Variants in FAM151B observed in about 807,000 individuals in gnomAD.
FAM151B encodes the protein family with sequence similarity 151 member B, also known as protein FAM151B.
FAM151B carries 24 observed loss-of-function variants against 31.2 expected under a neutral mutation model. That is an observed-to-expected ratio of 0.77 (90% CI 0.56 to 1.08). The LOEUF is 1.08. FAM151B is among the 50% of genes least tolerant of loss of function. The pLI, the probability that FAM151B is intolerant of heterozygous loss-of-function variation, is 0.00. For missense variants in FAM151B, 293 were observed against 328.6 expected (o/e 0.89, Z 0.84); for synonymous variants, 105 against 111.4 (o/e 0.94, Z 0.36).
At chr5:80,492,330 G>A (rs149323062) in intron 1 of FAM151B, among the ~76,000 whole-genome samples, 97 of 152,166 alleles carry the variant, frequency 6.4e-4, no homozygotes, top group African/African-American at 2.1e-3. Context: ...ATTTATTATG[G>A]TGATCTGTGA....
chr5:80,519,354 G>A (rs888187505), intron 3 of FAM151B, among the ~76,000 whole-genome samples: 3 of 152,028 alleles, frequency 2.0e-5, no homozygotes, highest in African/African-American at 7.3e-5. Context: ...ATACATTCTG[G>A]AACGAGTGAA....
intron 1 of FAM151B, among the ~76,000 whole-genome samples, chr5:80,491,532 A>G (rs371763534): frequency 2.6e-5 from 4 of 152,192 alleles, no homozygotes; most frequent in Admixed American, 2.0e-4. Flanking sequence ...ATTACTAACT[A>G]TAGTCACCAT....
chr5:80,518,666 A>T (rs1472437639), intron 3 of FAM151B: 3 of 152,252 alleles, frequency 2.0e-5, no homozygotes, highest in African/African-American at 7.2e-5. Flanking sequence ...AAGCTAAGGG[A>T]TAGAGCCTGG....
chr5:80,520,644 C>CA (rs766500639), intron 4 of FAM151B, among the ~76,000 whole-genome samples: 1,163 of 66,934 alleles, frequency 0.017, 8 homozygotes, highest in Middle Eastern at 0.079. Context: ...GACTCTGTCT[C>CA]AAAAAAAAAA....
chr5:80,529,024 T>C (rs1745103508), intron 5 of FAM151B, among the ~76,000 whole-genome samples: 1 of 152,090 alleles, frequency 6.6e-6, no homozygotes, highest in Non-Finnish European at 1.5e-5. Context: ...GAACAGAAAT[T>C]ATAACAAACT....
At chr5:80,538,460 T>TTCTTTCTTTCTTTC (rs1745673502) in intron 5 of FAM151B, among the ~76,000 whole-genome samples, 2 of 82,058 alleles carry the variant, frequency 2.4e-5, no homozygotes, top group East Asian at 3.2e-4. Context: ...CTTTCTTTCT[T>TTCTTTCTTTCTTTC]TCTTTCTTTC....
chr5:80,506,187 G>A (rs1263470731), intron 2 of FAM151B: 45 of 873,280 alleles, frequency 5.2e-5, no homozygotes, highest in Non-Finnish European at 5.5e-5. Context: ...GATTCATATT[G>A]CTCCCATGGT....
At chr5:80,525,395 T>C (rs1295058971) in intron 5 of FAM151B, among the ~76,000 whole-genome samples, 2 of 152,208 alleles carry the variant, frequency 1.3e-5, no homozygotes, top group Admixed American at 6.5e-5. Context: ...ATCTAAGTAG[T>C]TGGTGAATCC....
At chr5:80,508,915 C>T (rs1296840269) in intron 2 of FAM151B, among the ~76,000 whole-genome samples, 1 of 152,076 alleles carries the variant, frequency 6.6e-6, no homozygotes, top group Non-Finnish European at 1.5e-5. Flanking sequence ...GATATTGACA[C>T]TGAGGCCATG....
At chr5:80,517,028 T>C (rs1040329796) in intron 3 of FAM151B, among the ~76,000 whole-genome samples, 1 of 152,184 alleles carries the variant, frequency 6.6e-6, no homozygotes, top group Non-Finnish European at 1.5e-5. Flanking sequence ...CTTCCCTTCG[T>C]CCAGCGTATC....
intron 5 of FAM151B, among the ~76,000 whole-genome samples, chr5:80,533,398 C>A (rs1372687834): frequency 2.0e-5 from 3 of 149,244 alleles, no homozygotes; most frequent in Non-Finnish European, 3.0e-5. Flanking sequence ...CAAAACAAAA[C>A]AAAAAAACTA....
chr5:80,513,079 C>G lies in FAM151B; in HGVS notation c.152-525C>G, dbSNP rs191096950. ...TGTTGGCAGCCATCTTGGAGTCAGT[C>G]TGTCACAGCCTGCTGAACATACTTA... On this transcript the variant is annotated intron_variant, in intron 2 of 5. Transcript: ENST00000282226. Among the ~76,000 whole-genome samples, 19 of 152,302 alleles carry G rather than the reference C, an allele frequency of 1.2e-4. No homozygotes were observed. The East Asian group carries it at 2.3e-3, about 19-fold the overall frequency.
intron 5 of FAM151B, among the ~76,000 whole-genome samples, chr5:80,533,055 TCAAATAAC>T (rs1453656822): frequency 3.3e-5 from 5 of 152,048 alleles, no homozygotes; most frequent in African/African-American, 1.2e-4. Context: ...TTTTAAAACT[TCAAATAAC>T]CTAACAGTGC....
At chr5:80,538,439 T>A (rs1322492111) in intron 5 of FAM151B, among the ~76,000 whole-genome samples, 1 of 49,382 alleles carries the variant, frequency 2.0e-5, no homozygotes, top group Admixed American at 2.1e-4. Flanking sequence ...TTTCTTTCTT[T>A]CTTTCTTTCT....
Position 80,519,900 on chromosome 5 carries a change from A to C in FAM151B, c.525A>C (p.Lys175Asn). 6.2e-7 allele frequency: 1 copy of C among 1,613,400 alleles called. No homozygotes were observed. Among genetic ancestry groups the C allele is most frequent in the Non-Finnish European group, 8.5e-7 (1 of 1,179,374 alleles). Residue 175 changes from lysine (K) to asparagine (N), a missense_variant, in exon 4 of 6, where the codon AAA becomes AAC. Transcript: ENST00000282226. ...LGWTTGWHPE[K>N]VNEGYSWTMV... Reference sequence around the variant, plus strand: ...GGACAACAGGATGGCATCCTGAGAAAGTCAATGAAGGTAATAATTCTAATA... The same window carrying C: ...GGACAACAGGATGGCATCCTGAGAACGTCAATGAAGGTAATAATTCTAATA...
intron 1 of FAM151B, chr5:80,498,885 A>G: frequency 3.0e-6 from 1 of 336,872 alleles, no homozygotes; most frequent in Admixed American, 3.2e-5. Context: ...ATCAGGAGGA[A>G]TTCCTGGATT....
chr5:80,521,900 G>T, intron 4 of FAM151B, 103 bp from the exon 5 acceptor site: 1 of 757,730 alleles, frequency 1.3e-6, no homozygotes, highest in South Asian at 3.0e-5. Flanking sequence ...AATTACCTAT[G>T]AATTATCTAT....
chr5:80,496,060 CA>C (rs754758543), intron 1 of FAM151B, among the ~76,000 whole-genome samples: 3 of 152,164 alleles, frequency 2.0e-5, no homozygotes, highest in Non-Finnish European at 4.4e-5. Context: ...ATATTACATA[CA>C]CTTAGTTGTT....
chr5:80,535,181 C>A (rs903750605), intron 5 of FAM151B, among the ~76,000 whole-genome samples: 1 of 152,138 alleles, frequency 6.6e-6, no homozygotes, highest in East Asian at 1.9e-4. Context: ...CTACCTAAAG[C>A]AATCTGTAGA....
Sources: gnomAD v4.1 joint callset for allele counts (sites outside exome capture counted in the v4.1 genomes callset) on GRCh38, gnomAD v4.1.1 for gene constraint, MANE v1.5 for transcripts, NCBI Gene and HGNC (gene_info 2026-07-23, HGNC 2026-07-21) for gene names.